The following ELMO1 variants were observed in gnomAD, a reference collection of about 807,000 sequenced individuals.
ELMO1 encodes engulfment and cell motility 1.
In ELMO1, 26 loss-of-function variants were observed where a neutral mutation model predicts 98.9. That is an observed-to-expected ratio of 0.26 (90% CI 0.19 to 0.36). ELMO1 has a LOEUF of 0.36. ELMO1 is among the 10% of genes least tolerant of loss of function. ELMO1 has a pLI of 1.00. For missense variants in ELMO1, 627 were observed against 935.2 expected (o/e 0.67, Z 4.30); for synonymous variants, 346 against 346.0 (o/e 1.00, Z 0.00).
intron 13 of ELMO1, among the ~76,000 whole-genome samples, chr7:37,187,186 C>T (rs1053951002): frequency 2.6e-5 from 4 of 152,100 alleles, no homozygotes; most frequent in Non-Finnish European, 5.9e-5. Flanking sequence ...AAACACCATG[C>T]TAAGTGAAAG....
intron 4 of ELMO1, among the ~76,000 whole-genome samples, chr7:37,304,554 A>G (rs1798508143): frequency 6.6e-6 from 1 of 152,120 alleles, no homozygotes; most frequent in African/African-American, 2.4e-5. Flanking sequence ...TGTCTCTACT[A>G]AAAATACAAA....
rs138031494 is a variant in ELMO1, at chr7:37,040,319, G to C, written c.1301-26884C>G. Among the ~76,000 whole-genome samples, 1,496 of 152,264 alleles carry C rather than the reference G, an allele frequency of 9.8e-3. 6 individuals are homozygous for C. Among genetic ancestry groups the C allele is most frequent in the Middle Eastern group, 0.014 (4 of 294 alleles). ...TTTCCTGATTACCCCCAGGGGTAAT[G>C]ATTATATGGTGACTTTGTTAAGGAC... On this transcript the variant is annotated intron_variant, in intron 15 of 21. Coordinates refer to ENST00000310758, the MANE Select transcript of ELMO1 (RefSeq NM_014800.11).
At chr7:36,985,903 T>C (rs1791466063) in intron 16 of ELMO1, 3 of 1,002,116 alleles carry the variant, frequency 3.0e-6, no homozygotes, top group Non-Finnish European at 3.6e-6. Context: ...GACACATGTG[T>C]GAGACGGAGG....
At chr7:36,856,895 G>C (rs1802237973) in intron 21 of ELMO1, among the ~76,000 whole-genome samples, 1 of 152,210 alleles carries the variant, frequency 6.6e-6, no homozygotes, top group African/African-American at 2.4e-5. Flanking sequence ...TGCCTCACTA[G>C]TTCAAGCGGC....
chr7:37,074,515 T>C (rs1797456736), intron 15 of ELMO1, among the ~76,000 whole-genome samples: 1 of 152,256 alleles, frequency 6.6e-6, no homozygotes, highest in African/African-American at 2.4e-5. Flanking sequence ...ATTTGCCTAA[T>C]AACTCTGTGG....
chr7:36,868,251 T>C (rs572609294), intron 20 of ELMO1, among the ~76,000 whole-genome samples: 69 of 152,332 alleles, frequency 4.5e-4, no homozygotes, highest in African/African-American at 1.6e-3. Context: ...CTTTCCACAT[T>C]CCACGGTGAT....
chr7:37,170,547 A>AACTTACTCTT (rs1790078430), intron 13 of ELMO1, among the ~76,000 whole-genome samples: 2 of 150,156 alleles, frequency 1.3e-5, no homozygotes, highest in Non-Finnish European at 3.0e-5. Flanking sequence ...TTAGTGAACT[A>AACTTACTCTT]ACTTACTCTT....
chr7:37,398,577 A>G (rs1803394118), intron 1 of ELMO1, among the ~76,000 whole-genome samples: 1 of 152,228 alleles, frequency 6.6e-6, no homozygotes, highest in Non-Finnish European at 1.5e-5. Flanking sequence ...CAACCTTTCT[A>G]TGCAAGGAAA....
chr7:37,388,567 T>C (rs928479961), intron 1 of ELMO1, among the ~76,000 whole-genome samples: 2 of 150,138 alleles, frequency 1.3e-5, no homozygotes, highest in African/African-American at 2.5e-5. Flanking sequence ...TGGATCCCCA[T>C]ACCATCTTGG....
intron 13 of ELMO1, chr7:37,204,402 T>A (rs772731710): frequency 8.3e-5 from 29 of 347,392 alleles, no homozygotes; most frequent in South Asian, 3.3e-4. Flanking sequence ...AGGCGGCATG[T>A]CTGGAGTTGT....
chr7:37,279,637 C>G (rs1307781286), intron 4 of ELMO1, among the ~76,000 whole-genome samples: 2 of 152,184 alleles, frequency 1.3e-5, no homozygotes, highest in African/African-American at 2.4e-5. Context: ...AATTTAGAGA[C>G]GGGAGAGAAA....
At chr7:37,032,667 C>T (rs940679999) in intron 15 of ELMO1, among the ~76,000 whole-genome samples, 1 of 152,192 alleles carries the variant, frequency 6.6e-6, no homozygotes, top group East Asian at 1.9e-4. Flanking sequence ...AGTGAGAGGA[C>T]AATCCAACCA....
intron 4 of ELMO1, among the ~76,000 whole-genome samples, chr7:37,297,272 C>T (rs548418801): frequency 7.7e-4 from 117 of 152,232 alleles, no homozygotes; most frequent in African/African-American, 2.7e-3. Flanking sequence ...AAGTCAACTC[C>T]TTCTGCAATT....
At chr7:37,185,012 G>A (rs1791114124) in intron 13 of ELMO1, among the ~76,000 whole-genome samples, 1 of 152,152 alleles carries the variant, frequency 6.6e-6, no homozygotes, top group Non-Finnish European at 1.5e-5. Context: ...TTTATAATGA[G>A]TCTGTCTATT....
At chr7:37,447,994 CCT>C (rs1805714200) in intron 1 of ELMO1, among the ~76,000 whole-genome samples, 1 of 152,052 alleles carries the variant, frequency 6.6e-6, no homozygotes, top group Non-Finnish European at 1.5e-5. Context: ...CTCCCCGCCG[CCT>C]CTCTCGGTCT....
chr7:36,855,433 TG>T lies in ELMO1; in HGVS notation c.*117del. The stretch of plus-strand genomic sequence containing the variant: ...GCTAGAGGTGATGCTGAAGGGAATG[TG>T]GACCCACAGCTTCCCTTTACCAAAG... On this transcript the variant is annotated 3_prime_UTR_variant, in exon 22 of 22. Transcript: ENST00000310758. The surrounding 1 kb of genome is among the most constrained non-coding windows in gnomAD (Gnocchi z 4.2). 7.6e-7 allele frequency: 1 copy of T among 1,311,488 alleles called. No individual in the cohort carries two copies. The highest frequency in any genetic ancestry group is 1.1e-6 in the Non-Finnish European group (1 of 927,128). The allele number at this position is 1,311,488 out of a possible 1,614,324, so 81.2% of individuals were successfully genotyped here. A position where few individuals can be genotyped will look rare whatever the true frequency, so the allele number is the denominator to read the frequency against.
At chr7:37,335,732 CTA>C (rs1404240082) in intron 2 of ELMO1, among the ~76,000 whole-genome samples, 1 of 152,198 alleles carries the variant, frequency 6.6e-6, no homozygotes, top group Non-Finnish European at 1.5e-5. Context: ...AGGTTGAAAA[CTA>C]TGTATCTCTT....
chr7:36,881,023 T>G (rs1231898812), intron 18 of ELMO1, among the ~76,000 whole-genome samples: 1 of 152,046 alleles, frequency 6.6e-6, no homozygotes, highest in Non-Finnish European at 1.5e-5. Flanking sequence ...CAAGTTTCTC[T>G]TCTTCTGTCT....
At chr7:37,165,252 TTTCTAGATA>T (rs1200617754) in intron 13 of ELMO1, among the ~76,000 whole-genome samples, 2 of 152,186 alleles carry the variant, frequency 1.3e-5, no homozygotes, top group Non-Finnish European at 2.9e-5. Context: ...ACAATGGGGT[TTTCTAGATA>T]TTCAATCATG....
Sources: allele counts gnomAD v4.1 joint callset (sites outside exome capture counted in the v4.1 genomes callset), GRCh38; gene constraint gnomAD v4.1.1; non-coding constraint Gnocchi (gnomAD v3.1); transcripts MANE v1.5; gene names NCBI Gene and HGNC (gene_info 2026-07-23, HGNC 2026-07-21).